Variants in PTPRJ observed in about 807,000 individuals in gnomAD.
PTPRJ encodes receptor-type tyrosine-protein phosphatase eta.
In PTPRJ, 129 loss-of-function variants were observed where a neutral mutation model predicts 141.3. The ratio of observed to expected loss-of-function variants is 0.91; its 90% CI spans 0.79 to 1.06. PTPRJ has a LOEUF of 1.06. Among genes scored for constraint, PTPRJ ranks in the 50% least tolerant of loss-of-function variants. The probability of loss-of-function intolerance (pLI) is 0.00; values close to 1 mark genes in which losing one functional copy is unlikely to be tolerated. For synonymous variants in PTPRJ, 610 were observed against 640.5 expected (o/e 0.95, Z 0.72); for missense variants, 1,601 against 1,679.7 (o/e 0.95, Z 0.82).
chr11:48,052,803 C>G (rs972458157), intron 1 of PTPRJ, among the ~76,000 whole-genome samples: 5 of 152,006 alleles, frequency 3.3e-5, no homozygotes, highest in African/African-American at 1.2e-4. Flanking sequence ...TACCAAAAAT[C>G]TTACAGTGCA....
Position 48,136,258 on chromosome 11 carries a change from A to C in PTPRJ, c.1835A>C (p.His612Pro). The C allele has an allele frequency of 6.2e-7, 1 of 1,614,224 alleles. No individual in the cohort carries two copies. The highest frequency in any genetic ancestry group is 8.5e-7 in the Non-Finnish European group (1 of 1,180,040). Reference sequence around the variant, plus strand: ...ATCACCATCTCTCCAGAAGTGGACCACGTCTGGGGGGACCCCAACTCCACT... The same window carrying C: ...ATCACCATCTCTCCAGAAGTGGACCCCGTCTGGGGGGACCCCAACTCCACT... ...YNITISPEVDHVWGDPNSTAQ... is the reference protein window; with the variant it reads ...YNITISPEVDPVWGDPNSTAQ... The change falls in exon 9 of 25, where the codon CAC becomes CCC. Residue 612 changes from histidine (H) to proline (P), a missense_variant. Transcript: ENST00000418331.
chr11:48,115,589 T>A (rs1418789395), intron 3 of PTPRJ, among the ~76,000 whole-genome samples: 1 of 152,158 alleles, frequency 6.6e-6, no homozygotes, highest in East Asian at 1.9e-4. Context: ...ACACTAGTGA[T>A]TAATTGAAAA....
At position 48,145,080 on chromosome 11, in the gene PTPRJ, C is replaced by T; in HGVS notation, c.2867C>T (p.Ser956Phe). ...ATTGATGGGGCTGAGAGCTATGTGT[C>T]CTTCAGTCGCTACTCAGATGCTGTT... The part of the protein sequence containing the change: ...GLIDGAESYV[S>F]FSRYSDAVSL... Residue 956 changes from serine (S) to phenylalanine (F), a missense_variant, in exon 14 of 25, where the codon TCC becomes TTC. Transcript: ENST00000418331. The T allele has an allele frequency of 6.2e-7, 1 of 1,614,200 alleles. No homozygotes were observed. The highest frequency in any genetic ancestry group is 8.5e-7 in the Non-Finnish European group (1 of 1,180,026).
At chr11:48,000,551 A>G (rs1854467793) in intron 1 of PTPRJ, among the ~76,000 whole-genome samples, 1 of 152,002 alleles carries the variant, frequency 6.6e-6, no homozygotes, top group Admixed American at 6.6e-5. Flanking sequence ...AAGACTCTGA[A>G]CCTTAGATCA....
chr11:48,092,591 G>A (rs775598406), intron 1 of PTPRJ, among the ~76,000 whole-genome samples: 1 of 151,862 alleles, frequency 6.6e-6, no homozygotes, highest in Non-Finnish European at 1.5e-5. Context: ...TACCACACCT[G>A]GCTAATTTTT....
chr11:48,000,958 G>C (rs1160329577), intron 1 of PTPRJ, among the ~76,000 whole-genome samples: 1 of 150,744 alleles, frequency 6.6e-6, no homozygotes, highest in East Asian at 1.9e-4. Context: ...CAATGGACTG[G>C]ACCTCCTCTT....
chr11:48,136,028 C>T lies in PTPRJ; in HGVS notation c.1616-11C>T. ...AACAGTTTTCCCTTCTCCTTCCTTTCTTCTGAGCAGTTCCCAGTGCAGTGT... is the reference window on the plus strand; with the variant it reads ...AACAGTTTTCCCTTCTCCTTCCTTTTTTCTGAGCAGTTCCCAGTGCAGTGT... On this transcript the variant is annotated splice_polypyrimidine_tract_variant and intron_variant, in intron 8 of 24. Coordinates refer to ENST00000418331, the MANE Select transcript of PTPRJ (RefSeq NM_002843.4). The T allele has an allele frequency of 6.2e-7, 1 of 1,610,952 alleles. No individual in the cohort carries two copies. Among genetic ancestry groups the T allele is most frequent in the Non-Finnish European group, 8.5e-7 (1 of 1,177,650 alleles).
intron 6 of PTPRJ, among the ~76,000 whole-genome samples, chr11:48,127,228 T>C (rs919577499): frequency 1.3e-5 from 2 of 152,102 alleles, no homozygotes; most frequent in Non-Finnish European, 2.9e-5. Context: ...GTCGGGAGGG[T>C]GGAGTGGGCA....
In PTPRJ at chr11:48,136,076, C is replaced by T. The variant is rs946462335; in HGVS notation, c.1653C>T (p.Val551=). The T allele has an allele frequency of 3.1e-6, 5 of 1,614,070 alleles. No homozygotes were observed. In the African/African-American group the frequency reaches 6.7e-5, roughly 22 times the overall value. Residue 551 remains valine, a synonymous_variant, in exon 9 of 25, where the codon GTC becomes GTT. Transcript: ENST00000418331. ...SAVFDIHVVY[V]TTTEMWLDWK... is the part of the protein sequence containing the mutation. ...TGTTTGACATCCACGTGGTCTACGT[C>T]ACCACCACGGAGATGTGGCTGGACT...
intron 1 of PTPRJ, among the ~76,000 whole-genome samples, chr11:48,005,812 G>T (rs1022763226): frequency 6.6e-6 from 1 of 152,190 alleles, no homozygotes; most frequent in Admixed American, 6.5e-5. Flanking sequence ...AGCTTCATGT[G>T]CTTCCTTTCT....
intron 1 of PTPRJ, among the ~76,000 whole-genome samples, chr11:48,103,813 CTG>C (rs1856217820): frequency 6.6e-6 from 1 of 152,202 alleles, no homozygotes; most frequent in Admixed American, 6.5e-5. Context: ...TCACCCTCGG[CTG>C]TGCGTCTCAA....
At chr11:48,021,530 C>T (rs976877549) in intron 1 of PTPRJ, among the ~76,000 whole-genome samples, 1 of 151,890 alleles carries the variant, frequency 6.6e-6, no homozygotes, top group East Asian at 1.9e-4. Flanking sequence ...GAAAGGAAGC[C>T]AAAAATGGGT....
At chr11:48,058,450 C>T (rs1360268753) in intron 1 of PTPRJ, among the ~76,000 whole-genome samples, 3 of 152,018 alleles carry the variant, frequency 2.0e-5, no homozygotes, top group South Asian at 2.1e-4. Flanking sequence ...TGGCCTCAAG[C>T]GATCCTCCTG....
chr11:48,065,438 C>T, intron 1 of PTPRJ, among the ~76,000 whole-genome samples: 1 of 152,192 alleles, frequency 6.6e-6, no homozygotes, highest in East Asian at 1.9e-4. Context: ...ATTCCCCCAC[C>T]TGGGGTACCC....
intron 1 of PTPRJ, among the ~76,000 whole-genome samples, chr11:48,048,112 C>G (rs775732574): frequency 1.3e-5 from 2 of 152,130 alleles, no homozygotes; most frequent in Non-Finnish European, 2.9e-5. Context: ...GCTGCTGTTT[C>G]GAATCCTTTT....
At chr11:48,078,237 T>C (rs1393561792) in intron 1 of PTPRJ, among the ~76,000 whole-genome samples, 1 of 152,058 alleles carries the variant, frequency 6.6e-6, no homozygotes, top group Non-Finnish European at 1.5e-5. Context: ...TTTGTGTTTT[T>C]AGTAGAGACA....
intron 1 of PTPRJ, among the ~76,000 whole-genome samples, chr11:47,985,775 A>T (rs1044957467): frequency 6.6e-6 from 1 of 152,048 alleles, no homozygotes; most frequent in Non-Finnish European, 1.5e-5. Flanking sequence ...ATCTCGGCTC[A>T]CTGCAACCTC....
At chr11:48,143,169 T>C (rs1566729) in intron 12 of PTPRJ, 119 bp downstream of exon 12, 1,079,352 of 1,315,504 alleles carry the variant, frequency 0.82, 444,241 homozygotes, top group Middle Eastern at 0.85. Context: ...CACTGCAGCC[T>C]ATGCTGTGTA....
At chr11:48,128,139 G>T in intron 7 of PTPRJ, 96 bp downstream of exon 7, 1 of 1,439,202 alleles carries the variant, frequency 6.9e-7, no homozygotes, top group Non-Finnish European at 9.5e-7. Flanking sequence ...GTGACTGTTG[G>T]CTGACCACAC....
Sources: allele counts gnomAD v4.1 joint callset (sites outside exome capture counted in the v4.1 genomes callset), GRCh38; gene constraint gnomAD v4.1.1; transcripts MANE v1.5; gene names NCBI Gene and HGNC (gene_info 2026-07-23, HGNC 2026-07-21).